The following ZDBF2 variants were observed in gnomAD, a reference collection of about 807,000 sequenced individuals.
ZDBF2 encodes zinc finger DBF-type containing 2.
Under a neutral mutation model 9.4 loss-of-function variants are expected in ZDBF2, and 6 were observed. The observed-to-expected ratio is 0.64, with a 90% CI of 0.35 to 1.27. The LOEUF is 1.27. Ranked by LOEUF, ZDBF2 falls within the 50% of genes most tolerant of loss-of-function variation. ZDBF2 has a pLI of 0.03. For missense variants in ZDBF2, 2,697 were observed against 2,766.8 expected, an observed-to-expected ratio of 0.97 and a Z score of 0.57; for synonymous variants, 905 against 946.3, an observed-to-expected ratio of 0.96 and a Z score of 0.80.
In ZDBF2 at chr2:206,305,662, C is replaced by T; in HGVS notation, c.1134C>T (p.Pro378=). The T allele has an allele frequency of 6.2e-7, 1 of 1,613,586 alleles. No individual in the cohort carries two copies. The highest frequency in any genetic ancestry group is 8.5e-7 in the Non-Finnish European group (1 of 1,179,760). Residue 378 remains proline, a synonymous_variant, in exon 5 of 5, where the codon CCC becomes CCT. Coordinates refer to ENST00000374423, the MANE Select transcript of ZDBF2 (RefSeq NM_020923.3). The part of the protein sequence containing the change: ...CISLQSASDQ[P]QETAQDLSLW... ...CTCTTCAGTCAGCATCTGATCAGCC[C>T]CAAGAGACTGCACAAGACTTAAGTC...
chr2:206,282,578 A>G (rs1691381787), intron 3 of ZDBF2, among the ~76,000 whole-genome samples: 1 of 152,152 alleles, frequency 6.6e-6, no homozygotes. Flanking sequence ...AGGACTTTGA[A>G]TTTTATTTCA....
intron 3 of ZDBF2, among the ~76,000 whole-genome samples, chr2:206,285,969 A>G (rs1473612923): frequency 6.6e-6 from 1 of 152,116 alleles, no homozygotes; most frequent in Non-Finnish European, 1.5e-5. Flanking sequence ...AAATACATAG[A>G]TTTATTTCTG....
Position 206,305,999 on chromosome 2 carries a change from A to C in ZDBF2, c.1471A>C (p.Ser491Arg). The C allele has an allele frequency of 6.2e-7, 1 of 1,613,430 alleles. No homozygotes were observed. Among genetic ancestry groups the C allele is most frequent in the Non-Finnish European group, 8.5e-7 (1 of 1,179,586 alleles). ...SLVDQSYESS[S>R]SETNFDCDAS... ...GGTTGACCAAAGCTATGAATCTAGT[A>C]GTTCTGAAACGAATTTTGATTGTGA... Residue 491 changes from serine (S) to arginine (R), a missense_variant, in exon 5 of 5, where the codon AGT (serine) becomes CGT (arginine). Around this residue, in one of 3 missense-constraint regions of ZDBF2, gnomAD observed 910 missense variants for 973.6 expected, o/e 0.93. Coordinates refer to ENST00000374423, the MANE Select transcript of ZDBF2 (RefSeq NM_020923.3).
intron 3 of ZDBF2, among the ~76,000 whole-genome samples, chr2:206,289,722 G>A (rs897944520): frequency 1.3e-5 from 2 of 152,230 alleles, no homozygotes; most frequent in African/African-American, 4.8e-5. Context: ...ACACAGTGGT[G>A]TTGACCCCAG....
In ZDBF2 at chr2:206,306,172, A is replaced by G; in HGVS notation, c.1644A>G (p.Ser548=). The change falls in exon 5 of 5, where the codon TCA becomes TCG. Residue 548 remains serine, a synonymous_variant. Coordinates refer to ENST00000374423, the MANE Select transcript of ZDBF2 (RefSeq NM_020923.3). ...CTGATTCTGTTTTCCCACTGCAGTC[A>G]GTGGTTGACAGACCCCCAGTGGCTG... ...VSADSVFPLQ[S]VVDRPPVAVT... 6.2e-7 allele frequency: 1 copy of G among 1,613,746 alleles called. No individual in the cohort carries two copies. The highest frequency in any genetic ancestry group is 8.5e-7 in the Non-Finnish European group (1 of 1,179,792).
chr2:206,284,700 C>T (rs1364292147), intron 3 of ZDBF2, among the ~76,000 whole-genome samples: 1 of 152,126 alleles, frequency 6.6e-6, no homozygotes, highest in African/African-American at 2.4e-5. Flanking sequence ...ATGGCTGAAT[C>T]GTATTCTACT....
At position 206,308,820 on chromosome 2, in the gene ZDBF2, A is replaced by G; in HGVS notation, c.4292A>G (p.Glu1431Gly). 1 of 1,613,876 alleles carries G rather than the reference A, an allele frequency of 6.2e-7. No individual in the cohort carries two copies. Among genetic ancestry groups the G allele is most frequent in the Non-Finnish European group, 8.5e-7 (1 of 1,179,846 alleles). The change falls in exon 5 of 5, where the codon GAA (glutamate) becomes GGA (glycine). Residue 1431 changes from glutamate to glycine, a missense_variant. Transcript: ENST00000374423. Reference sequence around the variant, plus strand: ...GATCAATCTTCTGTACCTGTCAAAGAAATAAACTTGCAAAAGAAGGATCAT... The same window carrying G: ...GATCAATCTTCTGTACCTGTCAAAGGAATAAACTTGCAAAAGAAGGATCAT... ...VTDQSSVPVK[E>G]INLQKKDHND...
In ZDBF2 at chr2:206,307,339, A is replaced by G; in HGVS notation, c.2811A>G (p.Glu937=). 6.2e-7 allele frequency: 1 copy of G among 1,612,964 alleles called. No individual in the cohort carries two copies. Among genetic ancestry groups the G allele is most frequent in the Admixed American group, 1.7e-5 (1 of 59,820 alleles). ...GACGTTCTGAAGATCCCATTAAAGA[A>G]ATAAGCCTTCACACAAAAGAGCACA... ...VTGRSEDPIK[E]ISLHTKEHMY... Residue 937 remains glutamate (E), a synonymous_variant, in exon 5 of 5, where the codon GAA becomes GAG. Coordinates refer to ENST00000374423, the MANE Select transcript of ZDBF2 (RefSeq NM_020923.3).
chr2:206,308,906 G>T lies in ZDBF2; in HGVS notation c.4378G>T (p.Val1460Phe). The T allele has an allele frequency of 6.2e-7, 1 of 1,612,748 alleles. No individual in the cohort carries two copies. The highest frequency in any genetic ancestry group is 8.5e-7 in the Non-Finnish European group (1 of 1,179,336). ...TTCTGAAATAAAATGTCATTCTTGT[G>T]TTCATCTTCAGTCAGAAGTTGACCA... ...CGSEIKCHSC[V>F]HLQSEVDQPQ... Residue 1460 changes from valine (V) to phenylalanine (F), a missense_variant, in exon 5 of 5, where the codon GTT becomes TTT. This residue lies in a region of ZDBF2 where 1,783 missense variants were observed against 1,776.5 expected (regional missense o/e 1.00). Transcript: ENST00000374423.
At chr2:206,283,207 T>A (rs1168808094) in intron 3 of ZDBF2, among the ~76,000 whole-genome samples, 4 of 152,224 alleles carry the variant, frequency 2.6e-5, no homozygotes, top group Non-Finnish European at 5.9e-5. Context: ...GGACGTATGC[T>A]TTCACTTTTC....
At chr2:206,280,960 T>G (rs1199952851) in intron 2 of ZDBF2, among the ~76,000 whole-genome samples, 1 of 152,172 alleles carries the variant, frequency 6.6e-6, no homozygotes, top group African/African-American at 2.4e-5. Context: ...TGCATTAAAT[T>G]TTTTACTTAA....
rs541807210 is a variant in ZDBF2, at chr2:206,307,484, G to A, written c.2956G>A (p.Ala986Thr). The A allele has an allele frequency of 1.1e-4, 172 of 1,613,114 alleles. No individual in the cohort carries two copies. The highest frequency in any genetic ancestry group is 6.5e-4 in the Admixed American group (39 of 59,936). The stretch of plus-strand genomic sequence containing the variant: ...AACATGGCTTCAAAGAGAAAAGCAC[G>A]CTGAATTCCAAGGTAGAAGTACTGA... ...KETWLQREKH[A>T]EFQGRSTEFS... The change falls in exon 5 of 5, where the codon GCT (alanine) becomes ACT (threonine). Residue 986 changes from alanine (A) to threonine (T), a missense_variant. Transcript: ENST00000374423.
At chr2:206,293,832 G>A (rs970830832) in intron 3 of ZDBF2, among the ~76,000 whole-genome samples, 1 of 152,094 alleles carries the variant, frequency 6.6e-6, no homozygotes, top group Non-Finnish European at 1.5e-5. Context: ...AAGACTGGTC[G>A]GTAGGGAGTA....
In ZDBF2 at chr2:206,309,266, T is replaced by C. The variant is rs749886434; in HGVS notation, c.4738T>C (p.Ser1580Pro). 21 of 1,610,880 alleles carry C rather than the reference T, an allele frequency of 1.3e-5. No individual in the cohort carries two copies. The Middle Eastern group carries it at 5.0e-4, about 38-fold the overall frequency. Residue 1580 changes from serine (S) to proline (P), a missense_variant, in exon 5 of 5, where the codon TCT becomes CCT. Transcript: ENST00000374423. The part of the protein sequence containing the change: ...IEDKSCDFFG[S>P]EVRCNCKAST... Reference sequence around the variant, plus strand: ...AGATAAGAGCTGTGACTTTTTTGGTTCTGAAGTCAGATGTAATTGTAAAGC... The same window carrying C: ...AGATAAGAGCTGTGACTTTTTTGGTCCTGAAGTCAGATGTAATTGTAAAGC...
At chr2:206,298,797 A>G (rs1474068453) in intron 4 of ZDBF2, among the ~76,000 whole-genome samples, 2 of 152,032 alleles carry the variant, frequency 1.3e-5, no homozygotes, top group Non-Finnish European at 2.9e-5. Flanking sequence ...AAGTACTGGG[A>G]TTACAGGAAT....
chr2:206,305,425 A>G lies in ZDBF2; in HGVS notation c.897A>G (p.Arg299=), dbSNP rs1467249148. 1.2e-6 allele frequency: 2 copies of G among 1,613,318 alleles called. No individual in the cohort carries two copies. The highest frequency in any genetic ancestry group is 1.7e-5 in the Admixed American group (1 of 59,880). Residue 299 remains arginine (R), a synonymous_variant, in exon 5 of 5, where the codon AGA becomes AGG. Coordinates refer to ENST00000374423, the MANE Select transcript of ZDBF2 (RefSeq NM_020923.3). The part of the protein sequence containing the change: ...HERMGTKGSL[R]VKSPSKLAVN... ...GCATGGGTACTAAGGGCTCCTTAAG[A>G]GTTAAATCTCCTTCCAAATTAGCAG... is the stretch of plus-strand genomic sequence containing the variant.
chr2:206,301,062 A>G (rs932808641), intron 4 of ZDBF2, among the ~76,000 whole-genome samples: 2 of 152,186 alleles, frequency 1.3e-5, no homozygotes, highest in African/African-American at 4.8e-5. Context: ...TAGGCCAAAA[A>G]TGTGTAGATA....
chr2:206,312,721 T>C lies in ZDBF2; in HGVS notation c.*1128T>C, dbSNP rs1412993867. On this transcript the variant is annotated 3_prime_UTR_variant, in exon 5 of 5. Coordinates refer to ENST00000374423, the MANE Select transcript of ZDBF2 (RefSeq NM_020923.3). ...GAGCCACCATGCCCAGCCTACCATA[T>C]CAGTTTTTAATAACTTGAACTGAAA... is the stretch of plus-strand genomic sequence containing the variant. The C allele has an allele frequency of 1.3e-5, 2 of 152,194 alleles. No individual in the cohort carries two copies. The highest frequency in any genetic ancestry group is 4.8e-5 in the African/African-American group (2 of 41,462). The allele number at this position is 152,194 out of a possible 1,614,324, so 9.4% of individuals were successfully genotyped here.
chr2:206,298,584 A>G (rs1340679700), intron 4 of ZDBF2, among the ~76,000 whole-genome samples: 1 of 152,170 alleles, frequency 6.6e-6, no homozygotes, highest in Non-Finnish European at 1.5e-5. Context: ...CTGCAGTGAC[A>G]TGATCTCAAC....
Sources: gnomAD v4.1 joint callset for allele counts (sites outside exome capture counted in the v4.1 genomes callset) on GRCh38, gnomAD v4.1.1 for gene constraint, gnomAD v4.1.1 regional missense constraint, MANE v1.5 for transcripts, NCBI Gene and HGNC (gene_info 2026-07-23, HGNC 2026-07-21) for gene names.